Variants in CERT1 observed in about 807,000 individuals in gnomAD.
CERT1 encodes ceramide transporter 1.
In CERT1, 31 loss-of-function variants were observed where a neutral mutation model predicts 87.9. That is an observed-to-expected ratio of 0.35 (90% CI 0.27 to 0.48). The LOEUF is 0.48. Ranked by LOEUF, CERT1 falls within the 20% of genes least tolerant of loss-of-function variation. CERT1 has a pLI of 0.99. For missense variants in CERT1, 487 were observed against 758.0 expected (o/e 0.64, Z 4.20); for synonymous variants, 289 against 250.9 (o/e 1.15, Z -1.44).
intron 5 of CERT1, among the ~76,000 whole-genome samples, chr5:75,422,132 T>C (rs1386817970): frequency 6.6e-6 from 1 of 152,132 alleles, no homozygotes; most frequent in East Asian, 1.9e-4. Flanking sequence ...CTGAATATTC[T>C]GGTTTAGTGA....
rs575726802 is a variant in CERT1, at chr5:75,378,302, C to T, written c.*1044G>A. 1 of 152,400 alleles carries T rather than the reference C, an allele frequency of 6.6e-6. No homozygotes were observed. Among genetic ancestry groups the T allele is most frequent in the East Asian group, 1.9e-4 (1 of 5,182 alleles). 9.4% of individuals were successfully genotyped at this position (152,400 alleles called of 1,614,324 possible). A position where few individuals can be genotyped will look rare whatever the true frequency, so the allele number is the denominator to read the frequency against. ...GGGCGTGGTGATGGACGCCTGTAAT[C>T]CCAGCTACTCGGGAGGCTGAGGCAG... On this transcript the variant is annotated 3_prime_UTR_variant, in exon 17 of 17. Coordinates refer to ENST00000643780, the MANE Select transcript of CERT1 (RefSeq NM_001379029.1).
chr5:75,451,488 G>T (rs1764767514), intron 3 of CERT1, among the ~76,000 whole-genome samples: 1 of 152,138 alleles, frequency 6.6e-6, no homozygotes, highest in African/African-American at 2.4e-5. Context: ...TAGGTAAATG[G>T]AGACTTGGTT....
chr5:75,377,026 C>T (rs139423912), downstream of CERT1: 1 of 152,102 alleles, frequency 6.6e-6, no homozygotes. Flanking sequence ...AGAGAATATT[C>T]ATGTTATTGC....
At chr5:75,384,821 A>AT in intron 13 of CERT1, 109 bp from the exon 14 acceptor site, 1 of 676,532 alleles carries the variant, frequency 1.5e-6, no homozygotes, top group South Asian at 1.8e-5. Flanking sequence ...ATTGAACAGG[A>AT]TCCTGCCCTA....
chr5:75,411,936 C>T (rs77912355), intron 7 of CERT1, among the ~76,000 whole-genome samples: 2,460 of 152,160 alleles, frequency 0.016, 73 homozygotes, highest in African/African-American at 0.056. Context: ...TGTATTTTAG[C>T]GTTGAAAAAG....
At chr5:75,373,308 A>C (rs985502592), downstream of CERT1, 3 of 152,202 alleles carry the variant, frequency 2.0e-5, no homozygotes, top group Admixed American at 6.5e-5. Context: ...TATCTTAGAA[A>C]TTTCAAGAAA....
intron 1 of CERT1, among the ~76,000 whole-genome samples, chr5:75,510,860 C>T (rs1330400717): frequency 6.6e-6 from 1 of 152,170 alleles, no homozygotes; most frequent in Non-Finnish European, 1.5e-5. Context: ...AGTCACGGCG[C>T]GCATCTGGCC....
At chr5:75,475,680 G>A (rs142827399) in intron 2 of CERT1, among the ~76,000 whole-genome samples, 8 of 151,730 alleles carry the variant, frequency 5.3e-5, no homozygotes, top group African/African-American at 1.9e-4. Context: ...TCCTGCTTGG[G>A]GGCTTAATAT....
At chr5:75,411,293 A>C (rs1762925287) in intron 7 of CERT1, among the ~76,000 whole-genome samples, 190 bp from the exon 8 acceptor site, 1 of 151,100 alleles carries the variant, frequency 6.6e-6, no homozygotes, top group African/African-American at 2.4e-5. Context: ...AATTACTTAC[A>C]ACCTACTATT....
intron 11 of CERT1, among the ~76,000 whole-genome samples, chr5:75,395,173 G>A (rs1762195951): frequency 6.6e-6 from 1 of 152,150 alleles, no homozygotes; most frequent in South Asian, 2.1e-4. Flanking sequence ...TTTTTCAATA[G>A]AGGATGATGT....
intron 5 of CERT1, among the ~76,000 whole-genome samples, chr5:75,421,638 T>TA (rs901755440): frequency 5.9e-5 from 9 of 152,174 alleles, no homozygotes; most frequent in African/African-American, 2.2e-4. Flanking sequence ...CATACTCAGA[T>TA]AAAAAATCAT....
intron 14 of CERT1, among the ~76,000 whole-genome samples, chr5:75,384,143 A>G (rs1011948128): frequency 2.0e-5 from 3 of 152,194 alleles, no homozygotes; most frequent in African/African-American, 4.8e-5. Context: ...TCACTTTCAT[A>G]TTTGGTAACT....
chr5:75,414,368 T>G (rs1466638185), intron 7 of CERT1, among the ~76,000 whole-genome samples: 2 of 152,184 alleles, frequency 1.3e-5, no homozygotes, highest in African/African-American at 4.8e-5. Context: ...GGTAGTATAC[T>G]TAAGATTGGT....
chr5:75,487,969 T>C (rs979472035), intron 2 of CERT1, among the ~76,000 whole-genome samples: 2 of 151,990 alleles, frequency 1.3e-5, no homozygotes, highest in East Asian at 1.9e-4. Flanking sequence ...AGACAAACTT[T>C]GCATGTTCTT....
At chr5:75,491,378 G>T (rs1166471341) in intron 2 of CERT1, among the ~76,000 whole-genome samples, 4 of 152,026 alleles carry the variant, frequency 2.6e-5, no homozygotes, top group African/African-American at 4.8e-5. Context: ...TCTTCCAGAA[G>T]TTAGACATTC....
intron 8 of CERT1, among the ~76,000 whole-genome samples, chr5:75,404,098 A>AT (rs1445425146): frequency 1.3e-5 from 2 of 152,160 alleles, no homozygotes; most frequent in African/African-American, 4.8e-5. Context: ...AGTTAAACTC[A>AT]TAACCCCAAG....
chr5:75,454,881 C>T (rs1764913617), intron 3 of CERT1, among the ~76,000 whole-genome samples: 3 of 152,072 alleles, frequency 2.0e-5, no homozygotes, highest in South Asian at 4.1e-4. Context: ...CAATAAAGAA[C>T]CATTTCTTGA....
At chr5:75,373,786 T>C (rs913057727), downstream of CERT1, 1 of 282,458 alleles carries the variant, frequency 3.5e-6, no homozygotes, top group African/African-American at 2.2e-5. Context: ...ATTCAACTTT[T>C]GTGCTTTTCT....
chr5:75,410,311 G>C (rs755980374), intron 8 of CERT1, among the ~76,000 whole-genome samples: 37 of 152,052 alleles, frequency 2.4e-4, no homozygotes, highest in Non-Finnish European at 3.5e-4. Flanking sequence ...TTCAGCTATG[G>C]ATAAGATCTC....
Sources: gnomAD v4.1 joint callset for allele counts (sites outside exome capture counted in the v4.1 genomes callset) on GRCh38, gnomAD v4.1.1 for gene constraint, MANE v1.5 for transcripts, NCBI Gene and HGNC (gene_info 2026-07-23, HGNC 2026-07-21) for gene names.